Variants in ASTN1 observed in about 807,000 individuals in gnomAD.
ASTN1 encodes astrotactin 1, also known as astrotactin-1.
In ASTN1, 41 loss-of-function variants were observed where a neutral mutation model predicts 140.7. The observed-to-expected ratio is 0.29, with a 90% CI of 0.23 to 0.38. ASTN1 has a LOEUF of 0.38. Ranked by LOEUF, ASTN1 falls within the 10% of genes least tolerant of loss-of-function variation. ASTN1 has a pLI of 1.00. For missense variants in ASTN1, 1,479 were observed against 1,678.8 expected, an observed-to-expected ratio of 0.88 and a Z score of 2.08; for synonymous variants, 640 against 652.2, an observed-to-expected ratio of 0.98 and a Z score of 0.29.
chr1:176,999,939 G>A (rs942970476), intron 8 of ASTN1, among the ~76,000 whole-genome samples: 2 of 152,066 alleles, frequency 1.3e-5, no homozygotes, highest in African/African-American at 2.4e-5. Flanking sequence ...ACCTCTTTTT[G>A]TATAAATTAC....
intron 1 of ASTN1, among the ~76,000 whole-genome samples, chr1:177,135,257 C>T (rs2102211386): frequency 1.3e-5 from 2 of 152,038 alleles, no homozygotes; most frequent in Middle Eastern, 3.4e-3. Flanking sequence ...AGGTTAGATC[C>T]TAGTTAATTC....
intron 1 of ASTN1, among the ~76,000 whole-genome samples, chr1:177,113,892 C>G (rs1277633357): frequency 6.6e-6 from 1 of 152,184 alleles, no homozygotes; most frequent in Non-Finnish European, 1.5e-5. Flanking sequence ...ACATATGTCT[C>G]TACATAGCAG....
chr1:176,875,533 T>C (rs1270592175), intron 21 of ASTN1, among the ~76,000 whole-genome samples: 1 of 152,136 alleles, frequency 6.6e-6, no homozygotes, highest in African/African-American at 2.4e-5. Context: ...TTAGTGGTTT[T>C]AATTAATGGG....
chr1:176,923,574 A>ACCACATT (rs1670829596), intron 16 of ASTN1, among the ~76,000 whole-genome samples: 2 of 152,212 alleles, frequency 1.3e-5, no homozygotes, highest in Non-Finnish European at 2.9e-5. Flanking sequence ...AGAGAGAGAA[A>ACCACATT]CCACATTCAT....
At chr1:177,030,737 A>G (rs1676388905) in intron 4 of ASTN1, 69 bp downstream of exon 4, 3 of 1,586,698 alleles carry the variant, frequency 1.9e-6, no homozygotes, top group Non-Finnish European at 8.6e-7. Flanking sequence ...TGGGTAGAAG[A>G]TATTAATGGC....
At chr1:177,040,188 A>G (rs1301684991) in intron 2 of ASTN1, among the ~76,000 whole-genome samples, 1 of 152,226 alleles carries the variant, frequency 6.6e-6, no homozygotes, top group Non-Finnish European at 1.5e-5. Context: ...AAGCATATTA[A>G]GTAGCAAGTT....
At chr1:177,087,189 A>G (rs985503144) in intron 1 of ASTN1, among the ~76,000 whole-genome samples, 2 of 152,170 alleles carry the variant, frequency 1.3e-5, no homozygotes, top group African/African-American at 4.8e-5. Flanking sequence ...CATAATTTGC[A>G]AAGATCCTGA....
chr1:176,883,644 G>A (rs1406384302), intron 19 of ASTN1, among the ~76,000 whole-genome samples: 2 of 152,214 alleles, frequency 1.3e-5, no homozygotes, highest in East Asian at 1.9e-4. Flanking sequence ...CAGCAGCTGC[G>A]TATGTCTCTA....
chr1:177,026,262 C>A (rs1479996751), intron 5 of ASTN1, among the ~76,000 whole-genome samples: 1 of 152,046 alleles, frequency 6.6e-6, no homozygotes, highest in Non-Finnish European at 1.5e-5. Context: ...GTCTATTTTC[C>A]TACGCTTACA....
At chr1:177,042,461 G>GT (rs1371255608) in intron 2 of ASTN1, among the ~76,000 whole-genome samples, 4 of 152,282 alleles carry the variant, frequency 2.6e-5, no homozygotes, top group Non-Finnish European at 5.9e-5. Context: ...CCTTCCTACA[G>GT]TTAATCCCAT....
At chr1:177,057,463 A>C (rs552575877) in intron 2 of ASTN1, among the ~76,000 whole-genome samples, 4 of 152,242 alleles carry the variant, frequency 2.6e-5, no homozygotes, top group African/African-American at 9.6e-5. Flanking sequence ...TGGTCTCTGC[A>C]TTGAGGAAAT....
At chr1:177,086,270 G>A (rs1485739609) in intron 1 of ASTN1, among the ~76,000 whole-genome samples, 1 of 42,594 alleles carries the variant, frequency 2.3e-5, no homozygotes, top group Non-Finnish European at 4.2e-5. Context: ...TCTCTGTAGT[G>A]TCATGAATCC....
At chr1:176,887,145 A>AGCACTC (rs1291418568) in intron 18 of ASTN1, among the ~76,000 whole-genome samples, 1 of 151,926 alleles carries the variant, frequency 6.6e-6, no homozygotes, top group African/African-American at 2.4e-5. Flanking sequence ...ATTGTTCTGG[A>AGCACTC]GCACTCTTTC....
chr1:176,900,925 T>C (rs1358411964), intron 16 of ASTN1, among the ~76,000 whole-genome samples: 5 of 152,324 alleles, frequency 3.3e-5, no homozygotes, highest in South Asian at 2.1e-4. Flanking sequence ...ATGCCTTATA[T>C]GTAATACACA....
chr1:176,977,946 G>T (rs1673437124), intron 8 of ASTN1, among the ~76,000 whole-genome samples: 1 of 152,208 alleles, frequency 6.6e-6, no homozygotes, highest in South Asian at 2.1e-4. Flanking sequence ...GGGTGGAAGA[G>T]ATCGCAAGTG....
intron 1 of ASTN1, among the ~76,000 whole-genome samples, chr1:177,071,551 A>G (rs1353420438): frequency 6.6e-6 from 1 of 152,072 alleles, no homozygotes; most frequent in Non-Finnish European, 1.5e-5. Context: ...CAGGCTTTCC[A>G]CCCCATTCCT....
chr1:176,902,535 T>C (rs1341017486), intron 16 of ASTN1, among the ~76,000 whole-genome samples: 1 of 152,146 alleles, frequency 6.6e-6, no homozygotes, highest in Non-Finnish European at 1.5e-5. Context: ...TAAACTGAGG[T>C]TTTGGTGTAG....
At chr1:176,927,232 T>A (rs1374933890) in intron 16 of ASTN1, among the ~76,000 whole-genome samples, 1 of 152,054 alleles carries the variant, frequency 6.6e-6, no homozygotes, top group Non-Finnish European at 1.5e-5. Flanking sequence ...AAAGGTGGAT[T>A]ATGTAGAAAA....
In ASTN1 at chr1:177,149,245, C is replaced by CTA. The variant is rs1174854417; in HGVS notation, c.283+15147_283+15148dup. ...AATATATATAGTAAATATATATATA[C>CTA]TATATATAGTAAATATATATATACT... On this transcript the variant is annotated intron_variant, in intron 1 of 22. Transcript: ENST00000361833. Among the ~76,000 whole-genome samples the CTA allele has an allele frequency of 9.5e-5, 7 of 73,778 alleles. No homozygotes were observed. The South Asian group carries it at 2.0e-3, about 21-fold the overall frequency. 48.4% of individuals were successfully genotyped at this position (73,778 alleles called of 152,430 possible). A position where few individuals can be genotyped will look rare whatever the true frequency, so the allele number is the denominator to read the frequency against.
Sources: allele counts gnomAD v4.1 joint callset (sites outside exome capture counted in the v4.1 genomes callset), GRCh38; gene constraint gnomAD v4.1.1; transcripts MANE v1.5; gene names NCBI Gene and HGNC (gene_info 2026-07-23, HGNC 2026-07-21).